DAPP1: variants seen among roughly 807,000 people sequenced by gnomAD.
DAPP1 encodes dual adaptor of phosphotyrosine and 3-phosphoinositides 1.
DAPP1 carries 20 observed loss-of-function variants against 41.5 expected under a neutral mutation model. That is an observed-to-expected ratio of 0.48 (90% CI 0.34 to 0.70). DAPP1 has a LOEUF of 0.70. Ranked by LOEUF, DAPP1 falls within the 30% of genes least tolerant of loss-of-function variation. DAPP1 has a pLI of 0.01. For missense variants in DAPP1, 233 were observed against 333.4 expected, an observed-to-expected ratio of 0.70 and a Z score of 2.35; for synonymous variants, 113 against 116.2, an observed-to-expected ratio of 0.97 and a Z score of 0.18.
intron 1 of DAPP1, among the ~76,000 whole-genome samples, chr4:99,832,959 A>G (rs186263935): frequency 1.1e-3 from 161 of 152,374 alleles, no homozygotes; most frequent in Non-Finnish European, 1.6e-3. Flanking sequence ...TCCATTGAAA[A>G]GAATCCAAAG....
At chr4:99,867,238 G>A (rs1471673486) in intron 8 of DAPP1, among the ~76,000 whole-genome samples, 1 of 152,066 alleles carries the variant, frequency 6.6e-6, no homozygotes, top group African/African-American at 2.4e-5. Flanking sequence ...ATCAGTGAGG[G>A]ATAATTTGTC....
chr4:99,851,196 G>T (rs186880839), intron 3 of DAPP1, among the ~76,000 whole-genome samples: 8 of 152,272 alleles, frequency 5.3e-5, no homozygotes, highest in Admixed American at 5.2e-4. Flanking sequence ...ACTGTAGCCG[G>T]CCCCTTCTCC....
At chr4:99,830,351 C>G (rs1723081340) in intron 1 of DAPP1, among the ~76,000 whole-genome samples, 1 of 152,048 alleles carries the variant, frequency 6.6e-6, no homozygotes, top group Admixed American at 6.6e-5. Flanking sequence ...CCACTGTACT[C>G]CAGCCTGGGT....
Position 99,816,854 on chromosome 4 carries a change from C to T in DAPP1, c.-60C>T, listed in dbSNP as rs1180673969. 1.5e-5 allele frequency: 21 copies of T among 1,416,598 alleles called. No homozygotes were observed. The highest frequency in any genetic ancestry group is 4.3e-5 in the African/African-American group (3 of 70,304). 87.8% of individuals were successfully genotyped at this position (1,416,598 alleles called of 1,614,324 possible). The stretch of plus-strand genomic sequence containing the variant: ...CATAGCAGGCTGCTGTCTCACAGAG[C>T]GAGAAGGTGTCAGGAGCAGCCCAGT... On this transcript the variant is annotated 5_prime_UTR_variant, in exon 1 of 9. Coordinates refer to ENST00000512369, the MANE Select transcript of DAPP1 (RefSeq NM_014395.3).
intron 1 of DAPP1, among the ~76,000 whole-genome samples, chr4:99,833,728 T>A (rs1329223918): frequency 6.6e-6 from 1 of 152,282 alleles, no homozygotes; most frequent in Non-Finnish European, 1.5e-5. Flanking sequence ...CTGCCTCTGC[T>A]GTCTAGCTTT....
chr4:99,856,067 A>G (rs1724034129), intron 4 of DAPP1, among the ~76,000 whole-genome samples: 1 of 152,212 alleles, frequency 6.6e-6, no homozygotes, highest in South Asian at 2.1e-4. Context: ...TGATAGGATT[A>G]AATTTAATTA....
At chr4:99,862,586 CT>C (rs1724276617) in intron 5 of DAPP1, among the ~76,000 whole-genome samples, 1 of 151,978 alleles carries the variant, frequency 6.6e-6, no homozygotes, top group Non-Finnish European at 1.5e-5. Context: ...ATATTAGGTA[CT>C]CAAAGAACAA....
At chr4:99,845,070 G>A (rs1723622547) in intron 3 of DAPP1, among the ~76,000 whole-genome samples, 2 of 152,328 alleles carry the variant, frequency 1.3e-5, no homozygotes, top group South Asian at 4.1e-4. Flanking sequence ...TTTTTAGAGT[G>A]TTTGCTAGGT....
chr4:99,863,710 A>G, intron 6 of DAPP1, 60 bp from the exon 7 acceptor site: 2 of 1,034,368 alleles, frequency 1.9e-6, no homozygotes, highest in South Asian at 3.0e-5. Context: ...TGAGGGACAG[A>G]TTTGTCTGTT....
intron 1 of DAPP1, among the ~76,000 whole-genome samples, chr4:99,834,875 C>A (rs1723241502): frequency 6.6e-6 from 1 of 152,124 alleles, no homozygotes; most frequent in Admixed American, 6.5e-5. Context: ...AGAATCTGTT[C>A]CAGGCCTCTT....
Position 99,868,219 on chromosome 4 carries a change from G to T in DAPP1, c.*34G>T, listed in dbSNP as rs543562594. 1 of 1,577,902 alleles carries T rather than the reference G, an allele frequency of 6.3e-7. No individual in the cohort carries two copies. The highest frequency in any genetic ancestry group is 2.2e-5 in the East Asian group (1 of 44,700). Reference sequence around the variant, plus strand: ...TGCCAAGGAATGCTCTGGCCCAGGAGCAAGGTGGAATGTTTCCCTGACGCT... The same window carrying T: ...TGCCAAGGAATGCTCTGGCCCAGGATCAAGGTGGAATGTTTCCCTGACGCT... On this transcript the variant is annotated 3_prime_UTR_variant, in exon 9 of 9. Transcript: ENST00000512369.
intron 3 of DAPP1, among the ~76,000 whole-genome samples, chr4:99,842,852 CTTTT>C (rs1297681743): frequency 2.2e-5 from 3 of 137,634 alleles, no homozygotes; most frequent in Admixed American, 7.2e-5. Flanking sequence ...ATATTTCTTT[CTTTT>C]TTTTTTTTTT....
chr4:99,844,811 A>C (rs1035501401), intron 3 of DAPP1: 1 of 152,224 alleles, frequency 6.6e-6, no homozygotes, highest in South Asian at 2.1e-4. Context: ...GGGATTCCCA[A>C]TCTTTTGACG....
intron 1 of DAPP1, among the ~76,000 whole-genome samples, chr4:99,827,218 G>A (rs947880850): frequency 6.6e-6 from 1 of 152,078 alleles, no homozygotes; most frequent in Admixed American, 6.6e-5. Flanking sequence ...CTTCCCAGTA[G>A]TAAAAAGTTT....
chr4:99,817,309 A>T (rs890486661), intron 1 of DAPP1, among the ~76,000 whole-genome samples: 5 of 152,218 alleles, frequency 3.3e-5, no homozygotes, highest in Admixed American at 3.3e-4. Context: ...ATTGGGATAT[A>T]GAGGTGATGT....
At chr4:99,866,759 T>C in intron 8 of DAPP1, 1 of 543,710 alleles carries the variant, frequency 1.8e-6, no homozygotes, top group Non-Finnish European at 3.2e-6. Flanking sequence ...ATGATTTCTT[T>C]TTTTCTATTT....
At chr4:99,843,984 T>C (rs1560697930) in intron 3 of DAPP1, among the ~76,000 whole-genome samples, 2 of 152,232 alleles carry the variant, frequency 1.3e-5, no homozygotes, top group Admixed American at 6.5e-5. Flanking sequence ...TAATTTGAAA[T>C]GATATTTTGT....
At chr4:99,855,990 CT>C (rs1439994886) in intron 4 of DAPP1, among the ~76,000 whole-genome samples, 1 of 152,150 alleles carries the variant, frequency 6.6e-6, no homozygotes, top group African/African-American at 2.4e-5. Context: ...TGTTTAACAT[CT>C]TTTAGTAACT....
intron 3 of DAPP1, among the ~76,000 whole-genome samples, chr4:99,846,386 C>A (rs1723665247): frequency 6.6e-6 from 1 of 152,150 alleles, no homozygotes; most frequent in Non-Finnish European, 1.5e-5. Flanking sequence ...GTTAAATAAT[C>A]TCTCTGAGCT....
Sources: allele counts gnomAD v4.1 joint callset (sites outside exome capture counted in the v4.1 genomes callset), GRCh38; gene constraint gnomAD v4.1.1; transcripts MANE v1.5; gene names NCBI Gene and HGNC (gene_info 2026-07-23, HGNC 2026-07-21).